Variants in IL1RAPL2 observed in about 807,000 individuals in gnomAD.
IL1RAPL2 encodes interleukin 1 receptor accessory protein like 2.
Under a neutral mutation model 44.1 loss-of-function variants are expected in IL1RAPL2, and 3 were observed. The observed-to-expected ratio is 0.07, with a 90% CI of 0.03 to 0.18. The LOEUF is 0.18. Among genes scored for constraint, IL1RAPL2 ranks in the 10% least tolerant of loss-of-function variants. The pLI is 1.00. For synonymous variants in IL1RAPL2, 181 were observed against 178.8 expected, an observed-to-expected ratio of 1.01 and a Z score of -0.10; for missense variants, 391 against 496.4, an observed-to-expected ratio of 0.79 and a Z score of 2.02.
chrX:105,665,747 T>A (rs781155051), intron 6 of IL1RAPL2, among the ~76,000 whole-genome samples: 1 of 98,221 alleles, frequency 1.0e-5, no homozygotes, highest in African/African-American at 4.0e-5. Context: ...TTTTTGTTTT[T>A]TTTTTTTTGT....
At chrX:105,028,516 G>T (rs946335657) in intron 2 of IL1RAPL2, among the ~76,000 whole-genome samples, 2 of 110,860 alleles carry the variant, frequency 1.8e-5, no homozygotes, top group African/African-American at 3.3e-5. Flanking sequence ...TTGGATTTTG[G>T]AGCATTTCAG....
chrX:105,042,808 G>A (rs1219256506), intron 2 of IL1RAPL2, among the ~76,000 whole-genome samples: 2 of 107,885 alleles, frequency 1.9e-5, no homozygotes, highest in Admixed American at 1.0e-4. Flanking sequence ...ATTCACAATA[G>A]CAAAGACTTG....
chrX:105,465,257 C>T (rs1480386367), intron 5 of IL1RAPL2, among the ~76,000 whole-genome samples: 2 of 111,912 alleles, frequency 1.8e-5, no homozygotes, highest in African/African-American at 6.5e-5. Context: ...GCATTTGCTT[C>T]CTTTTCCATC....
At chrX:104,617,364 A>G (rs934632672) in intron 1 of IL1RAPL2, among the ~76,000 whole-genome samples, 1 of 111,731 alleles carries the variant, frequency 9.0e-6, no homozygotes, top group Non-Finnish European at 1.9e-5. Flanking sequence ...TCTTTTGTAT[A>G]GAATCTTCCA....
intron 7 of IL1RAPL2, among the ~76,000 whole-genome samples, chrX:105,738,818 T>C (rs2038471727): frequency 9.0e-6 from 1 of 110,710 alleles, no homozygotes. Flanking sequence ...TTCCTGGCCA[T>C]ACAAGATCCT....
intron 2 of IL1RAPL2, among the ~76,000 whole-genome samples, chrX:105,014,677 G>T (rs760660072): frequency 1.1e-3 from 119 of 112,453 alleles, no homozygotes; most frequent in African/African-American, 3.6e-3. Flanking sequence ...GTATTCCATG[G>T]TGTATATGTG....
chrX:104,588,588 T>A (rs1271933665), intron 1 of IL1RAPL2, among the ~76,000 whole-genome samples: 8 of 111,675 alleles, frequency 7.2e-5, no homozygotes, highest in Admixed American at 4.8e-4. Flanking sequence ...AAAAAAATTG[T>A]TTAGAGGTTT....
intron 5 of IL1RAPL2, among the ~76,000 whole-genome samples, chrX:105,460,790 C>G (rs2036087791): frequency 9.0e-6 from 1 of 111,554 alleles, no homozygotes; most frequent in Admixed American, 9.5e-5. Flanking sequence ...TATTTCAGAT[C>G]ACGAAGTTTT....
chrX:105,484,162 G>A, intron 5 of IL1RAPL2, 151 bp from the exon 6 acceptor site: 1 of 469,907 alleles, frequency 2.1e-6, no homozygotes. Context: ...TATGGATAGA[G>A]TAACAACCCA....
intron 2 of IL1RAPL2, among the ~76,000 whole-genome samples, chrX:104,958,467 T>C (rs2029943517): frequency 9.5e-6 from 1 of 105,457 alleles, no homozygotes; most frequent in Non-Finnish European, 1.9e-5. Flanking sequence ...AGGTAATTCA[T>C]GTATATCACG....
Position 105,755,264 on chromosome X carries a change from C to T in IL1RAPL2, c.1280C>T (p.Ala427Val), listed in dbSNP as rs1026193586. ...DCDNPEEEQF[A>V]LEVLPDVLEK... The stretch of plus-strand genomic sequence containing the variant: ...GACAATCCTGAAGAAGAGCAGTTTG[C>T]TCTTGAAGTACTGCCAGATGTCCTG... Residue 427 changes from alanine to valine, a missense_variant, in exon 10 of 11, where the codon GCT becomes GTT. Physicochemically the swap from Ala to Val is moderately conservative, Grantham distance 64 (BLOSUM62 0). Coordinates refer to ENST00000372582, the MANE Select transcript of IL1RAPL2 (RefSeq NM_017416.2). 7 of 1,194,988 alleles carry T rather than the reference C, an allele frequency of 5.9e-6. No homozygotes were observed. Among genetic ancestry groups the T allele is most frequent in the Non-Finnish European group, 8.0e-6 (7 of 880,432 alleles).
chrX:104,604,205 T>G (rs956282004), intron 1 of IL1RAPL2, among the ~76,000 whole-genome samples: 1 of 111,728 alleles, frequency 9.0e-6, no homozygotes, highest in Non-Finnish European at 1.9e-5. Context: ...GCAGCCAAAC[T>G]GAGCTTCATA....
At chrX:104,946,097 T>C (rs988300662) in intron 2 of IL1RAPL2, among the ~76,000 whole-genome samples, 9 of 109,844 alleles carry the variant, frequency 8.2e-5, no homozygotes, top group African/African-American at 3.0e-4. Flanking sequence ...CACAACGATT[T>C]TTTTTAATGT....
At chrX:104,937,460 AC>A (rs1321754399) in intron 2 of IL1RAPL2, among the ~76,000 whole-genome samples, 2 of 111,923 alleles carry the variant, frequency 1.8e-5, no homozygotes, top group African/African-American at 6.5e-5. Context: ...GAGAAGACAT[AC>A]CCAGTTACTA....
intron 2 of IL1RAPL2, among the ~76,000 whole-genome samples, chrX:104,721,694 A>T (rs937283788): frequency 5.4e-5 from 6 of 111,566 alleles, no homozygotes; most frequent in Admixed American, 9.6e-5. Flanking sequence ...ATAAAAATTT[A>T]AAAAAATGCA....
At chrX:105,302,283 G>T (rs1268299702) in intron 5 of IL1RAPL2, among the ~76,000 whole-genome samples, 2 of 111,866 alleles carry the variant, frequency 1.8e-5, no homozygotes, top group African/African-American at 6.5e-5. Flanking sequence ...CAGATGGATG[G>T]TTTGCAAATA....
chrX:105,450,581 T>C (rs1047343562), intron 5 of IL1RAPL2, among the ~76,000 whole-genome samples: 6 of 111,808 alleles, frequency 5.4e-5, no homozygotes, highest in East Asian at 2.8e-4. Context: ...GTTGTCCTCA[T>C]TGAGCATGTA....
chrX:105,233,734 A>T, intron 3 of IL1RAPL2, 84 bp from the exon 4 acceptor site: 1 of 802,655 alleles, frequency 1.2e-6, no homozygotes. Context: ...TAAATGGAAA[A>T]GCCAATACTC....
intron 6 of IL1RAPL2, among the ~76,000 whole-genome samples, chrX:105,683,802 A>G (rs994488405): frequency 5.3e-5 from 6 of 112,470 alleles, no homozygotes; most frequent in Non-Finnish European, 1.1e-4. Flanking sequence ...CTTGCAATCT[A>G]GCAGAGCTCA....
Sources: gnomAD v4.1 joint callset for allele counts (sites outside exome capture counted in the v4.1 genomes callset) on GRCh38, gnomAD v4.1.1 for gene constraint, MANE v1.5 for transcripts, NCBI Gene and HGNC (gene_info 2026-07-23, HGNC 2026-07-21) for gene names.